Variants in PDE4D observed in about 807,000 individuals in gnomAD.
The protein encoded by PDE4D is 3',5'-cyclic-AMP phosphodiesterase 4D.
A neutral mutation model predicts 87.4 loss-of-function variants in PDE4D; 24 were observed. That is an observed-to-expected ratio of 0.27 (90% CI 0.20 to 0.39). The LOEUF (loss-of-function observed/expected upper bound fraction) is 0.39, where lower values mean the gene tolerates loss of function less well. PDE4D is among the 10% of genes least tolerant of loss of function. The pLI, the probability that PDE4D is intolerant of heterozygous loss-of-function variation, is 1.00. For missense variants in PDE4D, 714 were observed against 1,041.0 expected (o/e 0.69, Z 4.32); for synonymous variants, 384 against 383.2 (o/e 1.00, Z -0.02).
At chr5:60,255,351 A>G (rs2149691334) in intron 1 of PDE4D, among the ~76,000 whole-genome samples, 1 of 152,048 alleles carries the variant, frequency 6.6e-6, no homozygotes, top group South Asian at 2.1e-4. Context: ...TTATACCAAG[A>G]GGCGACTTGA....
At chr5:59,496,085 T>C (rs1807129621) in intron 1 of PDE4D, among the ~76,000 whole-genome samples, 1 of 152,074 alleles carries the variant, frequency 6.6e-6, no homozygotes. Context: ...TGAGTGGAAG[T>C]AGCTATCAGC....
chr5:59,552,504 T>C (rs1434654236), intron 1 of PDE4D, among the ~76,000 whole-genome samples: 2 of 152,228 alleles, frequency 1.3e-5, no homozygotes, highest in African/African-American at 4.8e-5. Flanking sequence ...ACAAATATTA[T>C]GTTACGTCTT....
At chr5:60,421,014 G>A (rs1231840017) in intron 1 of PDE4D, among the ~76,000 whole-genome samples, 1 of 152,210 alleles carries the variant, frequency 6.6e-6, no homozygotes, top group Non-Finnish European at 1.5e-5. Flanking sequence ...GCTTAAGTAG[G>A]TAAACAAAGT....
At chr5:58,991,762 G>T (rs1369240209) in intron 8 of PDE4D, 70 bp downstream of exon 8, 3 of 998,696 alleles carry the variant, frequency 3.0e-6, no homozygotes, top group African/African-American at 1.7e-5. Context: ...CCATTTAAAA[G>T]ACTAGAAGTG....
At chr5:60,296,249 T>C (rs1753373973) in intron 1 of PDE4D, among the ~76,000 whole-genome samples, 1 of 152,196 alleles carries the variant, frequency 6.6e-6, no homozygotes, top group Admixed American at 6.5e-5. Context: ...ACATTCAGAC[T>C]CAGGACCCTG....
intron 4 of PDE4D, among the ~76,000 whole-genome samples, chr5:59,181,572 T>TATATATATATA (rs1561646442): frequency 1.8e-5 from 2 of 109,922 alleles, no homozygotes; most frequent in South Asian, 2.9e-4. Flanking sequence ...ATATATATAT[T>TATATATATATA]AGGTATATAA....
At chr5:60,439,418 T>C (rs1006813600) in intron 1 of PDE4D, among the ~76,000 whole-genome samples, 7 of 152,098 alleles carry the variant, frequency 4.6e-5, no homozygotes, top group African/African-American at 1.7e-4. Flanking sequence ...CAGTGAGTAC[T>C]GCATGACAAG....
chr5:59,536,443 T>C (rs1425397507), intron 1 of PDE4D, among the ~76,000 whole-genome samples: 4 of 134,418 alleles, frequency 3.0e-5, no homozygotes, highest in African/African-American at 5.7e-5. Flanking sequence ...AGGCGGAGCT[T>C]GCAGTGAGCC....
At chr5:59,978,235 C>T (rs1277783981) in intron 3 of PDE4D, among the ~76,000 whole-genome samples, 1 of 152,114 alleles carries the variant, frequency 6.6e-6, no homozygotes, top group African/African-American at 2.4e-5. Flanking sequence ...TCTGATGGAT[C>T]AGGGCAAAGT....
intron 1 of PDE4D, among the ~76,000 whole-genome samples, chr5:59,440,921 T>TATGCTTATCTTTGAGCAGATTTAA (rs1314273009): frequency 6.6e-6 from 1 of 152,226 alleles, no homozygotes; most frequent in Non-Finnish European, 1.5e-5. Context: ...TGCTTCATGG[T>TATGCTTATCTTTGAGCAGATTTAA]ATGCTTATCT....
chr5:59,399,783 G>A (rs1302318026), intron 1 of PDE4D, among the ~76,000 whole-genome samples: 1 of 109,584 alleles, frequency 9.1e-6, no homozygotes, highest in Non-Finnish European at 1.9e-5. Flanking sequence ...ACTACCATCA[G>A]AGTGAACAGG....
chr5:59,380,969 T>C (rs1177874300), intron 1 of PDE4D, among the ~76,000 whole-genome samples: 1 of 152,124 alleles, frequency 6.6e-6, no homozygotes, highest in African/African-American at 2.4e-5. Flanking sequence ...AACAGCAGAG[T>C]TGAGTAGTTA....
At chr5:60,089,674 G>A (rs1168507695) in intron 2 of PDE4D, among the ~76,000 whole-genome samples, 5 of 150,374 alleles carry the variant, frequency 3.3e-5, no homozygotes, top group African/African-American at 1.2e-4. Context: ...TTAGTAGAAG[G>A]AAAGAAATAA....
At chr5:59,107,286 G>A (rs1771766239) in intron 5 of PDE4D, among the ~76,000 whole-genome samples, 1 of 151,938 alleles carries the variant, frequency 6.6e-6, no homozygotes, top group South Asian at 2.1e-4. Flanking sequence ...ATCTTGGCTC[G>A]CAACATCCGC....
At chr5:59,230,155 C>T (rs1754841899) in intron 1 of PDE4D, among the ~76,000 whole-genome samples, 1 of 152,104 alleles carries the variant, frequency 6.6e-6, no homozygotes, top group Admixed American at 6.6e-5. Flanking sequence ...TTCTTTCCCT[C>T]CCTCCCTATC....
Position 60,365,906 on chromosome 5 carries a change from T to C in PDE4D, c.-90+122036A>G, listed in dbSNP as rs540567366. ...TAAAAATACAAAAATTATTCGTGCATGATGGCACATGCCTATAATCCCAGC... is the reference window on the plus strand; with the variant it reads ...TAAAAATACAAAAATTATTCGTGCACGATGGCACATGCCTATAATCCCAGC... On this transcript the variant is annotated intron_variant, in intron 1 of 16. Coordinates refer to the PDE4D transcript ENST00000502484. Among the ~76,000 whole-genome samples, 17 of 152,110 alleles carry C rather than the reference T, an allele frequency of 1.1e-4. No homozygotes were observed. The South Asian group carries it at 3.5e-3, about 32-fold the overall frequency.
intron 1 of PDE4D, among the ~76,000 whole-genome samples, chr5:60,324,271 A>G (rs763523763): frequency 2.6e-5 from 4 of 152,228 alleles, no homozygotes; most frequent in Non-Finnish European, 5.9e-5. Flanking sequence ...CGAGACTGTA[A>G]GAGATTGTTT....
At chr5:60,251,117 G>A (rs1333612463) in intron 1 of PDE4D, among the ~76,000 whole-genome samples, 1 of 151,926 alleles carries the variant, frequency 6.6e-6, no homozygotes, top group African/African-American at 2.4e-5. Context: ...TTTTTGTACA[G>A]CTATATGGTG....
At chr5:59,948,095 C>T (rs1216197453) in intron 3 of PDE4D, among the ~76,000 whole-genome samples, 2 of 152,146 alleles carry the variant, frequency 1.3e-5, no homozygotes, top group African/African-American at 2.4e-5. Context: ...AAAAAATGGA[C>T]CTCAAATATT....
Sources: gnomAD v4.1 joint callset for allele counts (sites outside exome capture counted in the v4.1 genomes callset) on GRCh38, gnomAD v4.1.1 for gene constraint, MANE v1.5 for transcripts, NCBI Gene and HGNC (gene_info 2026-07-23, HGNC 2026-07-21) for gene names.